MTA3: variants seen among roughly 807,000 people sequenced by gnomAD.
The protein encoded by MTA3 is metastasis-associated protein MTA3.
In MTA3, 34 loss-of-function variants were observed where a neutral mutation model predicts 83.5. The ratio of observed to expected loss-of-function variants is 0.41; its 90% CI spans 0.31 to 0.54. The LOEUF (loss-of-function observed/expected upper bound fraction) is 0.54. Ranked by LOEUF, MTA3 falls within the 20% of genes least tolerant of loss-of-function variation. The probability of loss-of-function intolerance (pLI) is 0.33; values close to 1 mark genes in which losing one functional copy is unlikely to be tolerated. For synonymous variants in MTA3, 303 were observed against 252.7 expected (o/e 1.20, Z -1.89); for missense variants, 761 against 726.4 (o/e 1.05, Z -0.55).
chr2:42,522,489 T>C (rs1482441750), intron 2 of MTA3, among the ~76,000 whole-genome samples: 1 of 152,092 alleles, frequency 6.6e-6, no homozygotes, highest in Non-Finnish European at 1.5e-5. Context: ...GGACACACGC[T>C]TCTGGCTTAG....
chr2:42,692,569 CA>C (rs1172434346), intron 9 of MTA3, among the ~76,000 whole-genome samples: 1 of 152,000 alleles, frequency 6.6e-6, no homozygotes. Context: ...CAATTACAGA[CA>C]TGCATCACTA....
rs1678086078 is a variant in MTA3 at position 42,568,709 on chromosome 2, G to A, written c.-37G>A. On this transcript the variant is annotated 5_prime_UTR_variant, in exon 1 of 17. Transcript: ENST00000405094. ...TGAGGAGGAGGCGGCGGCGGCGGGC[G>A]GGGCTCGGCTCGGGCTCCGCGGGCG... 2.5e-6 allele frequency: 3 copies of A among 1,206,832 alleles called. No individual in the cohort carries two copies. The highest frequency in any genetic ancestry group is 4.1e-5 in the South Asian group (1 of 24,222). The allele number at this position is 1,206,832 out of a possible 1,614,324, so 74.8% of individuals were successfully genotyped here. A position where few individuals can be genotyped will look rare whatever the true frequency, so the allele number is the denominator to read the frequency against.
At chr2:42,710,058 T>C (rs564748702) in intron 14 of MTA3, among the ~76,000 whole-genome samples, 18 of 152,338 alleles carry the variant, frequency 1.2e-4, no homozygotes, top group Non-Finnish European at 2.5e-4. Flanking sequence ...ACTTGCTGTC[T>C]GGCCTAACAG....
At chr2:42,541,722 C>T (rs2103748872) in intron 2 of MTA3, among the ~76,000 whole-genome samples, 1 of 152,294 alleles carries the variant, frequency 6.6e-6, no homozygotes, top group African/African-American at 2.4e-5. Flanking sequence ...GTTTCAGTCA[C>T]AGTAGCAATT....
chr2:42,604,102 C>T (rs543277058), intron 3 of MTA3, among the ~76,000 whole-genome samples: 5 of 151,548 alleles, frequency 3.3e-5, no homozygotes, highest in Non-Finnish European at 5.9e-5. Context: ...AGTGCAATGG[C>T]GTGATCTTGG....
chr2:42,673,690 A>T (rs1691054560), intron 8 of MTA3, among the ~76,000 whole-genome samples: 2 of 152,174 alleles, frequency 1.3e-5, no homozygotes, highest in East Asian at 3.9e-4. Context: ...GAGGAGGTGG[A>T]TACAATCGAA....
intron 2 of MTA3, among the ~76,000 whole-genome samples, chr2:42,536,120 A>T (rs973022970): frequency 1.6e-5 from 2 of 127,984 alleles, no homozygotes; most frequent in African/African-American, 6.0e-5. Context: ...TCTCTCTCTC[A>T]AAAAAAAAAA....
chr2:42,616,632 G>A (rs1201768750), intron 4 of MTA3, among the ~76,000 whole-genome samples: 1 of 113,014 alleles, frequency 8.8e-6, no homozygotes, highest in East Asian at 2.9e-4. Context: ...AGGCTGGAAT[G>A]TAGTGGCACA....
intron 2 of MTA3, among the ~76,000 whole-genome samples, chr2:42,499,102 C>T (rs1488446995): frequency 6.6e-6 from 1 of 151,706 alleles, no homozygotes; most frequent in African/African-American, 2.4e-5. Flanking sequence ...TAGAGATCTA[C>T]GATGTGGCAT....
At chr2:42,641,914 C>T (rs1311698207) in intron 5 of MTA3, among the ~76,000 whole-genome samples, 1 of 151,678 alleles carries the variant, frequency 6.6e-6, no homozygotes. Flanking sequence ...GAAAAATTAC[C>T]TATTGGGTAC....
chr2:42,537,205 T>C (rs1288672285), intron 2 of MTA3, among the ~76,000 whole-genome samples: 1 of 152,116 alleles, frequency 6.6e-6, no homozygotes, highest in African/African-American at 2.4e-5. Context: ...TTGGCCTGAA[T>C]GTGGTCACTA....
intron 3 of MTA3, among the ~76,000 whole-genome samples, chr2:42,591,724 C>T (rs1056375019): frequency 2.0e-5 from 3 of 151,948 alleles, no homozygotes; most frequent in African/African-American, 7.2e-5. Flanking sequence ...GATCTCAGCT[C>T]ACTGCAATCT....
chr2:42,747,105 G>A (rs62144350), intron 16 of MTA3, among the ~76,000 whole-genome samples: 51,441 of 151,598 alleles, frequency 0.34, 8,955 homozygotes, highest in Admixed American at 0.41. Flanking sequence ...GGGTTCGAGC[G>A]ATTCTCCTGT....
chr2:42,544,748 T>C (rs555215638), intron 2 of MTA3, among the ~76,000 whole-genome samples: 9 of 152,162 alleles, frequency 5.9e-5, no homozygotes, highest in African/African-American at 2.2e-4. Flanking sequence ...CAAAACCTTA[T>C]GATTCTGACA....
intron 2 of MTA3, among the ~76,000 whole-genome samples, chr2:42,521,696 G>A (rs942385164): frequency 6.6e-6 from 1 of 150,812 alleles, no homozygotes; most frequent in Middle Eastern, 3.2e-3. Context: ...CCCTTTGTCA[G>A]ACTGGCTAAT....
intron 14 of MTA3, among the ~76,000 whole-genome samples, chr2:42,717,851 C>A (rs946307104): frequency 6.6e-6 from 1 of 152,118 alleles, no homozygotes; most frequent in African/African-American, 2.4e-5. Context: ...TCAGAGATGG[C>A]GAAGTTTGTT....
At chr2:42,682,637 C>T (rs760332345) in intron 9 of MTA3, 48 bp downstream of exon 9, 1 of 1,507,122 alleles carries the variant, frequency 6.6e-7, no homozygotes, top group South Asian at 1.2e-5. Flanking sequence ...TGGGAATATT[C>T]TGTTTTAGAA....
At position 42,754,659 on chromosome 2, in the gene MTA3, C is replaced by CAACTGGAGT; in HGVS notation, c.*1261_*1269dup. On this transcript the variant is annotated 3_prime_UTR_variant, in exon 17 of 17. Coordinates refer to ENST00000405094, the MANE Select transcript of MTA3 (RefSeq NM_001330442.2). ...CACAGGGTCACAGTCCCAAGAAAGA[C>CAACTGGAGT]AACTGGAGTCTGATCTCCCAGCCAT... 1 of 985,504 alleles carries CAACTGGAGT rather than the reference C, an allele frequency of 1.0e-6. No individual in the cohort carries two copies. The highest frequency in any genetic ancestry group is 1.7e-5 in the African/African-American group (1 of 57,366). The allele number at this position is 985,504 out of a possible 1,614,324, so 61.0% of individuals were successfully genotyped here. A position where few individuals can be genotyped will look rare whatever the true frequency, so the allele number is the denominator to read the frequency against.
At chr2:42,646,036 A>T (rs1656448015) in intron 6 of MTA3, among the ~76,000 whole-genome samples, 1 of 152,188 alleles carries the variant, frequency 6.6e-6, no homozygotes, top group Non-Finnish European at 1.5e-5. Flanking sequence ...CATTCCAAAA[A>T]TCCCAGACCT....
Sources: gnomAD v4.1 joint callset for allele counts (sites outside exome capture counted in the v4.1 genomes callset) on GRCh38, gnomAD v4.1.1 for gene constraint, MANE v1.5 for transcripts, NCBI Gene and HGNC (gene_info 2026-07-23, HGNC 2026-07-21) for gene names.